The following IFT140 variants were observed in gnomAD, a reference collection of about 807,000 sequenced individuals.
IFT140 encodes intraflagellar transport protein 140 homolog.
In IFT140, 133 loss-of-function variants were observed where a neutral mutation model predicts 164.6. That is an observed-to-expected ratio of 0.81 (90% CI 0.70 to 0.93). The LOEUF is 0.93. Ranked by LOEUF, IFT140 falls within the 40% of genes least tolerant of loss-of-function variation. IFT140 has a pLI of 0.00. For synonymous variants in IFT140, 860 were observed against 817.3 expected, an observed-to-expected ratio of 1.05 and a Z score of -0.89; for missense variants, 2,045 against 1,972.3, an observed-to-expected ratio of 1.04 and a Z score of -0.70.
In IFT140 at chr16:1,606,939, G is replaced by C. The variant is rs117778007; in HGVS notation, c.147+181C>G. Among the ~76,000 whole-genome samples, 4 of 150,948 alleles carry C rather than the reference G, an allele frequency of 2.6e-5. No homozygotes were observed. In the South Asian group the frequency reaches 6.3e-4, roughly 24 times the overall value. On this transcript the variant is annotated intron_variant, in intron 3 of 30. Coordinates refer to ENST00000426508, the MANE Select transcript of IFT140 (RefSeq NM_014714.4). ...ACCCACGTGTGCGCACACACACACA[G>C]ATGCAGACATACATATGCGCATACA... is the stretch of plus-strand genomic sequence containing the variant.
At chr16:1,581,323 G>C (rs2034545682) in intron 12 of IFT140, among the ~76,000 whole-genome samples, 1 of 152,166 alleles carries the variant, frequency 6.6e-6, no homozygotes, top group African/African-American at 2.4e-5. Flanking sequence ...TCTAGAGGCG[G>C]GCCTGGTGGC....
At chr16:1,601,313 C>T (rs1477190019) in intron 4 of IFT140, among the ~76,000 whole-genome samples, 2 of 151,044 alleles carry the variant, frequency 1.3e-5, no homozygotes, top group African/African-American at 2.4e-5. Context: ...AGAAATGCAA[C>T]GTATGAGCCT....
At chr16:1,542,165 G>T (rs2031716376) in intron 19 of IFT140, 2 of 1,380,246 alleles carry the variant, frequency 1.4e-6, no homozygotes, top group Non-Finnish European at 1.9e-6. Flanking sequence ...TGGGTGGCCT[G>T]GGGGGAAGCT....
intron 19 of IFT140, among the ~76,000 whole-genome samples, chr16:1,549,105 A>G (rs1192335407): frequency 1.3e-5 from 2 of 152,226 alleles, no homozygotes; most frequent in Non-Finnish European, 2.9e-5. Flanking sequence ...GCGCAGGTTC[A>G]TGAGGTTCAG....
chr16:1,546,910 A>G (rs1188176980), intron 19 of IFT140, among the ~76,000 whole-genome samples: 2 of 152,222 alleles, frequency 1.3e-5, no homozygotes, highest in East Asian at 3.8e-4. Context: ...TTGGGCTAGC[A>G]TGAGGAGGTC....
intron 2 of IFT140, among the ~76,000 whole-genome samples, chr16:1,609,769 C>T (rs1003540262): frequency 2.0e-5 from 3 of 152,120 alleles, no homozygotes; most frequent in Non-Finnish European, 4.4e-5. Flanking sequence ...AAAAAGTTAA[C>T]ACAAGGAGGA....
chr16:1,512,664 G>A (rs1273063577), intron 30 of IFT140, among the ~76,000 whole-genome samples: 1 of 152,136 alleles, frequency 6.6e-6, no homozygotes, highest in Non-Finnish European at 1.5e-5. Flanking sequence ...AACCCCGTTG[G>A]AGCAGGGCGC....
At chr16:1,560,106 A>G (rs1470242047) in intron 18 of IFT140, among the ~76,000 whole-genome samples, 1 of 152,258 alleles carries the variant, frequency 6.6e-6, no homozygotes, top group Non-Finnish European at 1.5e-5. Flanking sequence ...TAAAGCACAT[A>G]AGAAACGTAA....
intron 9 of IFT140, 61 bp from the exon 10 acceptor site, chr16:1,586,336 A>G: frequency 2.0e-6 from 3 of 1,519,360 alleles, no homozygotes; most frequent in South Asian, 2.5e-5. Flanking sequence ...AACAGCAACA[A>G]GCTCTGTTCT....
At position 1,520,536 on chromosome 16, in the gene IFT140, C is replaced by T. The variant is rs111744292; in HGVS notation, c.3660+66G>A. ...GTCATCACGAAGGCAAATGGAGATG[C>T]GTGCAGGGGGCCCGCAGCCTAACTG... On this transcript the variant is annotated intron_variant, in intron 27 of 30. Coordinates refer to ENST00000426508, the MANE Select transcript of IFT140 (RefSeq NM_014714.4). The T allele has an allele frequency of 1.9e-5, 28 of 1,471,596 alleles. No individual in the cohort carries two copies. The African/African-American group carries it at 2.1e-4, about 11-fold the overall frequency. 91.2% of individuals were successfully genotyped at this position (1,471,596 alleles called of 1,614,324 possible).
At chr16:1,577,567 C>G (rs1292780719) in intron 13 of IFT140, 2 of 152,118 alleles carry the variant, frequency 1.3e-5, no homozygotes, top group African/African-American at 4.8e-5. Flanking sequence ...AAGCAGCTGC[C>G]CCTCATCTGT....
chr16:1,513,736 C>T lies in IFT140; in HGVS notation c.4183-2586G>A, dbSNP rs542462716. 2.0e-3 allele frequency among the ~76,000 whole-genome samples: 296 copies of T among 150,180 alleles called. 1 individual carries two copies. Among genetic ancestry groups the T allele is most frequent in the Non-Finnish European group, 3.4e-3 (233 of 67,566 alleles). ...TCGCCCAGGCTGGAGTGCAGTGGTG[C>T]GATCTCTGCTCACTGCAAGCTCCGC... On this transcript the variant is annotated intron_variant, in intron 30 of 30. Coordinates refer to ENST00000426508, the MANE Select transcript of IFT140 (RefSeq NM_014714.4).
In IFT140 at chr16:1,584,197, CG is replaced by C; in HGVS notation, c.1359+19del. On this transcript the variant is annotated intron_variant, in intron 11 of 30. Coordinates refer to ENST00000426508, the MANE Select transcript of IFT140 (RefSeq NM_014714.4). ...AGTTCTTCTGTCTGTGTCCCACCCA[CG>C]GGTCCCCTCGGCAGTCACCTTGGTG... The C allele has an allele frequency of 6.2e-7, 1 of 1,606,418 alleles. No homozygotes were observed.
intron 2 of IFT140, chr16:1,609,941 T>C (rs978981505): frequency 8.5e-5 from 13 of 152,396 alleles, no homozygotes; most frequent in African/African-American, 3.1e-4. Flanking sequence ...ACTGTATTTA[T>C]TCTAACCGAA....
intron 20 of IFT140, 87 bp from the exon 21 acceptor site, chr16:1,526,164 G>A (rs528979432): frequency 4.0e-5 from 51 of 1,273,100 alleles, no homozygotes; most frequent in South Asian, 2.9e-4. Context: ...ACCGGTCACC[G>A]CACCTTCCCA....
Position 1,571,505 on chromosome 16 carries a change from C to T in IFT140, c.1554G>A (p.Ser518=), listed in dbSNP as rs774109456. 3.0e-5 allele frequency: 48 copies of T among 1,613,522 alleles called. No homozygotes were observed. The highest frequency in any genetic ancestry group is 2.0e-4 in the South Asian group (18 of 90,948). Residue 518 remains serine, a synonymous_variant, in exon 14 of 31, where the codon TCG becomes TCA. Transcript: ENST00000426508. ...AGAAGCAGGGATTCCCCTCAGTCTC[C>T]GAGAAAAGGAGGAGTTGTTTGACAG... ...QGTVKQLLLF[S]ETEGNPCFLD...
At chr16:1,548,880 G>A (rs977472429) in intron 19 of IFT140, among the ~76,000 whole-genome samples, 1 of 152,318 alleles carries the variant, frequency 6.6e-6, no homozygotes, top group Non-Finnish European at 1.5e-5. Context: ...CTGCATTTCC[G>A]TGTATTTGTT....
rs1464318641 is a variant in IFT140 at position 1,520,637 on chromosome 16, T to C, written c.3625A>G (p.Thr1209Ala). 1.9e-6 allele frequency: 3 copies of C among 1,597,832 alleles called. No individual in the cohort carries two copies. The African/African-American group carries it at 4.0e-5, about 21-fold the overall frequency. The change falls in exon 27 of 31, where the codon ACC becomes GCC. Residue 1209 changes from threonine (T) to alanine (A), a missense_variant. Thr to Ala is a moderately conservative substitution (Grantham distance 58). Coordinates refer to ENST00000426508, the MANE Select transcript of IFT140 (RefSeq NM_014714.4). The stretch of plus-strand genomic sequence containing the variant: ...TTGCCGGCCTGCGTGTACTTCTTGG[T>C]GGCCAGGTGGTAGCTGCCCTGGCGC... The part of the protein sequence containing the change: ...CMRQGSYHLA[T>A]KKYTQAGNKL...
intron 19 of IFT140, among the ~76,000 whole-genome samples, chr16:1,549,525 G>A (rs1353345723): frequency 6.6e-6 from 1 of 152,162 alleles, no homozygotes; most frequent in Admixed American, 6.5e-5. Flanking sequence ...TCTGCCTCCC[G>A]GGTTCAAGAA....
Sources: allele counts gnomAD v4.1 joint callset (sites outside exome capture counted in the v4.1 genomes callset), GRCh38; gene constraint gnomAD v4.1.1; transcripts MANE v1.5; gene names NCBI Gene and HGNC (gene_info 2026-07-23, HGNC 2026-07-21).